The following LDB2 variants were observed in gnomAD, a reference collection of about 807,000 sequenced individuals.
LDB2 encodes LIM domain binding 2, also known as LIM domain-binding protein 2.
Under a neutral mutation model 44.3 loss-of-function variants are expected in LDB2, and 12 were observed. That is an observed-to-expected ratio of 0.27 (90% CI 0.17 to 0.44). The LOEUF (loss-of-function observed/expected upper bound fraction) is 0.44. Ranked by LOEUF, LDB2 falls within the 20% of genes least tolerant of loss-of-function variation. The pLI is 1.00. For synonymous variants in LDB2, 164 were observed against 174.8 expected (o/e 0.94, Z 0.49); for missense variants, 344 against 473.5 (o/e 0.73, Z 2.54).
At chr4:16,593,520 C>T (rs958558172) in intron 3 of LDB2, among the ~76,000 whole-genome samples, 1 of 151,790 alleles carries the variant, frequency 6.6e-6, no homozygotes, top group Non-Finnish European at 1.5e-5. Flanking sequence ...AAAAATGGAT[C>T]CTTTCAAATT....
chr4:16,518,896 T>A (rs1421815945), intron 5 of LDB2, among the ~76,000 whole-genome samples: 1 of 152,208 alleles, frequency 6.6e-6, no homozygotes, highest in Non-Finnish European at 1.5e-5. Flanking sequence ...CTTTACTTGT[T>A]GCGAACCAGT....
At position 16,898,540 on chromosome 4, in the gene LDB2, A is replaced by G; in HGVS notation, c.-55T>C. 1.3e-6 allele frequency: 2 copies of G among 1,594,186 alleles called. No homozygotes were observed. Among genetic ancestry groups the G allele is most frequent in the Non-Finnish European group, 1.7e-6 (2 of 1,165,456 alleles). On this transcript the variant is annotated 5_prime_UTR_variant, in exon 1 of 8. Coordinates refer to ENST00000304523, the MANE Select transcript of LDB2 (RefSeq NM_001290.5). ...CAGAGTATCAGTAACGTCCATGCAG[A>G]GCACATGGGCTGTGTTCTTCCCAGT... is the stretch of plus-strand genomic sequence containing the variant.
At chr4:16,739,641 TATAC>T (rs1213770127) in intron 2 of LDB2, among the ~76,000 whole-genome samples, 4 of 88,792 alleles carry the variant, frequency 4.5e-5, no homozygotes, top group African/African-American at 1.3e-4. Flanking sequence ...TATATGTATA[TATAC>T]ATATGTGTGT....
intron 1 of LDB2, among the ~76,000 whole-genome samples, chr4:16,830,214 G>A (rs1296738426): frequency 6.6e-6 from 1 of 152,172 alleles, no homozygotes; most frequent in Non-Finnish European, 1.5e-5. Flanking sequence ...TAATCCCCAG[G>A]TGTTGAGGGA....
chr4:16,690,747 G>A (rs1750568285), intron 2 of LDB2, among the ~76,000 whole-genome samples: 1 of 152,122 alleles, frequency 6.6e-6, no homozygotes, highest in African/African-American at 2.4e-5. Flanking sequence ...CTTCTACCTT[G>A]AGAGCTGAAG....
chr4:16,893,616 T>G (rs1321299787), intron 1 of LDB2, among the ~76,000 whole-genome samples: 1 of 152,140 alleles, frequency 6.6e-6, no homozygotes, highest in Non-Finnish European at 1.5e-5. Context: ...AACCTTCATA[T>G]TAAATCCTGT....
intron 2 of LDB2, among the ~76,000 whole-genome samples, chr4:16,678,802 C>A (rs1034534965): frequency 1.3e-5 from 2 of 152,184 alleles, no homozygotes; most frequent in Non-Finnish European, 2.9e-5. Context: ...ATGGTCTTCT[C>A]TGCAGCCCCA....
rs555504544 is a variant in LDB2, at chr4:16,841,392, G to C, written c.132+56962C>G. On this transcript the variant is annotated intron_variant, in intron 1 of 7. Coordinates refer to ENST00000304523, the MANE Select transcript of LDB2 (RefSeq NM_001290.5). ...CCAAATATTTAAATTAGATTATGAT[G>C]ACATGGTTTATTCAACATTTCCCAC... is the stretch of plus-strand genomic sequence containing the variant. Among the ~76,000 whole-genome samples, 3 of 152,262 alleles carry C rather than the reference G, an allele frequency of 2.0e-5. No homozygotes were observed. In the East Asian group the frequency reaches 5.8e-4, roughly 29 times the overall value.
At chr4:16,885,178 C>A (rs960017572) in intron 1 of LDB2, among the ~76,000 whole-genome samples, 1,321 of 100,460 alleles carry the variant, frequency 0.013, 10 homozygotes, top group Admixed American at 0.019. Context: ...AAAAAAAAAA[C>A]TTTTTTAATT....
rs1729441583 is a variant in LDB2 at position 16,529,629 on chromosome 4, ATAG to A, written c.616-17528_616-17526del. Among the ~76,000 whole-genome samples, 5 of 152,142 alleles carry A rather than the reference ATAG, an allele frequency of 3.3e-5. No individual in the cohort carries two copies. The South Asian group carries it at 1.0e-3, about 32-fold the overall frequency. On this transcript the variant is annotated intron_variant, in intron 5 of 7. Coordinates refer to ENST00000304523, the MANE Select transcript of LDB2 (RefSeq NM_001290.5). ...CCTCCACCTATCTGCATTTAATCACATAGGGAGCTTCTCTTCCTTGTCTTCTTC... is the reference window on the plus strand; with the variant it reads ...CCTCCACCTATCTGCATTTAATCACAGGAGCTTCTCTTCCTTGTCTTCTTC...
intron 5 of LDB2, among the ~76,000 whole-genome samples, chr4:16,527,439 C>T (rs1394146985): frequency 4.6e-5 from 7 of 152,004 alleles, no homozygotes. Flanking sequence ...TAGATGTTGG[C>T]GTGGATGCGG....
At chr4:16,865,233 C>T (rs1714280359) in intron 1 of LDB2, among the ~76,000 whole-genome samples, 1 of 152,116 alleles carries the variant, frequency 6.6e-6, no homozygotes, top group South Asian at 2.1e-4. Flanking sequence ...CCCTGGGTGA[C>T]AGAGCTAGGC....
intron 2 of LDB2, among the ~76,000 whole-genome samples, chr4:16,677,658 G>C (rs1578704840): frequency 6.6e-6 from 1 of 152,292 alleles, no homozygotes; most frequent in African/African-American, 2.4e-5. Flanking sequence ...ATTGTTTTTA[G>C]ATCAAATATC....
intron 3 of LDB2, among the ~76,000 whole-genome samples, chr4:16,595,052 A>G (rs1720426536): frequency 6.6e-6 from 1 of 152,182 alleles, no homozygotes; most frequent in Non-Finnish European, 1.5e-5. Flanking sequence ...TAGATCTAAA[A>G]TGTATAGAAG....
At chr4:16,797,151 C>T (rs2109691124) in intron 1 of LDB2, among the ~76,000 whole-genome samples, 1 of 152,240 alleles carries the variant, frequency 6.6e-6, no homozygotes, top group East Asian at 1.9e-4. Flanking sequence ...CTGCAGTCAA[C>T]CCTGAGGAAC....
At chr4:16,528,802 G>C (rs565615857) in intron 5 of LDB2, among the ~76,000 whole-genome samples, 1 of 152,146 alleles carries the variant, frequency 6.6e-6, no homozygotes, top group African/African-American at 2.4e-5. Context: ...AAGAACAGAC[G>C]TATAGGGGCT....
At chr4:16,557,699 T>C (rs1442731376) in intron 5 of LDB2, among the ~76,000 whole-genome samples, 3 of 152,186 alleles carry the variant, frequency 2.0e-5, no homozygotes, top group Non-Finnish European at 4.4e-5. Flanking sequence ...GTCTCACAGC[T>C]TTGAAGAGAG....
chr4:16,710,980 C>T (rs2152659777), intron 2 of LDB2, among the ~76,000 whole-genome samples: 1 of 152,338 alleles, frequency 6.6e-6, no homozygotes, highest in Non-Finnish European at 1.5e-5. Context: ...CTACACCCCA[C>T]AAATCTAAGG....
At chr4:16,735,513 A>C (rs987566034) in intron 2 of LDB2, among the ~76,000 whole-genome samples, 18 of 152,076 alleles carry the variant, frequency 1.2e-4, no homozygotes, top group African/African-American at 4.3e-4. Flanking sequence ...AGATTTAGTG[A>C]CTGGCATCCA....
Sources: gnomAD v4.1 joint callset for allele counts (sites outside exome capture counted in the v4.1 genomes callset) on GRCh38, gnomAD v4.1.1 for gene constraint, MANE v1.5 for transcripts, NCBI Gene and HGNC (gene_info 2026-07-23, HGNC 2026-07-21) for gene names.